TRIO: variants seen among roughly 807,000 people sequenced by gnomAD.
TRIO encodes the protein trio Rho guanine nucleotide exchange factor, also known as triple functional domain protein.
A neutral mutation model predicts 351.9 loss-of-function variants in TRIO; 58 were observed. That is an observed-to-expected ratio of 0.16 (90% CI 0.13 to 0.21). TRIO has a LOEUF of 0.21. Among genes scored for constraint, TRIO ranks in the 10% least tolerant of loss-of-function variants. The probability of loss-of-function intolerance (pLI) is 1.00; values close to 1 mark genes in which losing one functional copy is unlikely to be tolerated. For synonymous variants in TRIO, 1,758 were observed against 1,595.7 expected, an observed-to-expected ratio of 1.10 and a Z score of -2.42; for missense variants, 3,201 against 4,027.8, an observed-to-expected ratio of 0.79 and a Z score of 5.56.
chr5:14,312,770 A>G (rs1304645934), intron 8 of TRIO, among the ~76,000 whole-genome samples: 1 of 152,210 alleles, frequency 6.6e-6, no homozygotes, highest in East Asian at 1.9e-4. Context: ...TTTAGCACTT[A>G]CATTTTATAT....
chr5:14,481,677 T>A (rs1186289116), intron 45 of TRIO, 59 bp downstream of exon 45: 6 of 1,578,432 alleles, frequency 3.8e-6, no homozygotes, highest in Non-Finnish European at 5.2e-6. Context: ...TCTTTTGTCT[T>A]GGATTATTTC....
intron 1 of TRIO, among the ~76,000 whole-genome samples, chr5:14,238,748 T>G (rs1036338232): frequency 2.6e-5 from 4 of 152,226 alleles, no homozygotes; most frequent in South Asian, 2.1e-4. Flanking sequence ...GAGAAAAGTT[T>G]GGAAAGGCCC....
At chr5:14,349,143 G>C (rs1006385555) in intron 11 of TRIO, among the ~76,000 whole-genome samples, 1 of 144,542 alleles carries the variant, frequency 6.9e-6, no homozygotes, top group African/African-American at 2.6e-5. Context: ...TTTTTCCTGC[G>C]TGTTTGTGGG....
chr5:14,263,465 T>C (rs1487241628), intron 1 of TRIO, among the ~76,000 whole-genome samples: 1 of 152,206 alleles, frequency 6.6e-6, no homozygotes, highest in African/African-American at 2.4e-5. Flanking sequence ...TTAAAACACA[T>C]GGGATAATTG....
In TRIO at chr5:14,143,693, G is replaced by C. The variant is rs985881429; in HGVS notation, c.-33G>C. ...ACGCGGCGCTAGGGGCGCGGGGCCC[G>C]AGGCGGGCGCGGCCGCGGGCGCCGC... On this transcript the variant is annotated 5_prime_UTR_variant, in exon 1 of 57. Coordinates refer to ENST00000344204, the MANE Select transcript of TRIO (RefSeq NM_007118.4). 558 of 971,734 alleles carry C rather than the reference G, an allele frequency of 5.7e-4. No homozygotes were observed. Among genetic ancestry groups the C allele is most frequent in the Non-Finnish European group, 6.4e-4 (527 of 821,330 alleles). 60.2% of individuals were successfully genotyped at this position (971,734 alleles called of 1,614,324 possible).
In TRIO at chr5:14,358,381, T is replaced by C. The variant is rs1365461063; in HGVS notation, c.2216+34T>C. On this transcript the variant is annotated intron_variant, in intron 12 of 56. Coordinates refer to ENST00000344204, the MANE Select transcript of TRIO (RefSeq NM_007118.4). Reference sequence around the variant, plus strand: ...CACCCCTCTCCTGGTCCGAACAGATTCTGAAACCCTGCCTGTGACTCCCCT... The same window carrying C: ...CACCCCTCTCCTGGTCCGAACAGATCCTGAAACCCTGCCTGTGACTCCCCT... The C allele has an allele frequency of 2.5e-6, 4 of 1,606,604 alleles. No individual in the cohort carries two copies. In the South Asian group the frequency reaches 4.4e-5, roughly 18 times the overall value.
At position 14,369,295 on chromosome 5, in the gene TRIO, C is replaced by T. The variant is rs527369794; in HGVS notation, c.3067-79C>T. ...TGACAGCATCTTCATCCCCAGAGCC[C>T]GACTGAAAGGGCTTTCCAGGGATAC... On this transcript the variant is annotated intron_variant, in intron 17 of 56. Coordinates refer to ENST00000344204, the MANE Select transcript of TRIO (RefSeq NM_007118.4). 95 of 1,509,028 alleles carry T rather than the reference C, an allele frequency of 6.3e-5. No individual in the cohort carries two copies. In the South Asian group the frequency reaches 8.7e-4, roughly 14 times the overall value. The allele number at this position is 1,509,028 out of a possible 1,614,324, so 93.5% of individuals were successfully genotyped here.
rs1361141340 is a variant in TRIO at position 14,210,960 on chromosome 5, T to G, written c.158-59865T>G. Among the ~76,000 whole-genome samples, 3 of 152,118 alleles carry G rather than the reference T, an allele frequency of 2.0e-5. No individual in the cohort carries two copies. The East Asian group carries it at 5.8e-4, about 29-fold the overall frequency. On this transcript the variant is annotated intron_variant, in intron 1 of 56. Coordinates refer to ENST00000344204, the MANE Select transcript of TRIO (RefSeq NM_007118.4). ...CTTCCCTTCTTTCCATCTTCCCCACTCCTGCCCTTGTAAGTTTGCCATGAG... is the reference window on the plus strand; with the variant it reads ...CTTCCCTTCTTTCCATCTTCCCCACGCCTGCCCTTGTAAGTTTGCCATGAG...
intron 1 of TRIO, among the ~76,000 whole-genome samples, chr5:14,233,637 A>C (rs1793601189): frequency 6.6e-6 from 1 of 152,090 alleles, no homozygotes; most frequent in Non-Finnish European, 1.5e-5. Context: ...ACTGAATCTA[A>C]AGTGATCCTC....
At chr5:14,221,832 T>G in intron 1 of TRIO, among the ~76,000 whole-genome samples, 1 of 152,256 alleles carries the variant, frequency 6.6e-6, no homozygotes. Context: ...ATTTCCAATG[T>G]GCCACAAACT....
intron 53 of TRIO, among the ~76,000 whole-genome samples, chr5:14,501,501 G>A (rs1436776097): frequency 1.3e-5 from 2 of 152,244 alleles, no homozygotes; most frequent in African/African-American, 4.8e-5. Context: ...GTACTCCTGT[G>A]ACAACAGTGC....
chr5:14,341,701 A>G (rs927111034), intron 11 of TRIO, among the ~76,000 whole-genome samples: 1 of 152,176 alleles, frequency 6.6e-6, no homozygotes, highest in African/African-American at 2.4e-5. Flanking sequence ...TACCTTTGAA[A>G]TGTGTGGGTT....
chr5:14,317,136 G>A (rs375786266), intron 9 of TRIO, among the ~76,000 whole-genome samples: 2 of 152,202 alleles, frequency 1.3e-5, no homozygotes, highest in East Asian at 3.8e-4. Context: ...CACGTGGTAG[G>A]TAGTGCAGTC....
At chr5:14,403,543 G>A (rs1323189025) in intron 31 of TRIO, among the ~76,000 whole-genome samples, 15 of 110,082 alleles carry the variant, frequency 1.4e-4, no homozygotes, top group Non-Finnish European at 2.0e-4. Flanking sequence ...TGGTGAGGGT[G>A]CAGGTTGTGA....
At chr5:14,463,603 T>A (rs570064269) in intron 36 of TRIO, among the ~76,000 whole-genome samples, 1 of 151,944 alleles carries the variant, frequency 6.6e-6, no homozygotes, top group African/African-American at 2.4e-5. Flanking sequence ...TCAGTGTGGC[T>A]TGCACATCCT....
chr5:14,212,144 G>GA (rs891417410), intron 1 of TRIO, among the ~76,000 whole-genome samples: 10 of 149,614 alleles, frequency 6.7e-5, no homozygotes, highest in East Asian at 3.9e-4. Context: ...GTCTTAAAAA[G>GA]AAAAAAAAAG....
intron 13 of TRIO, among the ~76,000 whole-genome samples, chr5:14,362,999 T>C (rs1039067334): frequency 7.9e-6 from 1 of 126,512 alleles, no homozygotes; most frequent in Non-Finnish European, 1.7e-5. Flanking sequence ...GTTTTCTATC[T>C]ACTTTTTTTT....
intron 30 of TRIO, among the ~76,000 whole-genome samples, chr5:14,400,026 T>C (rs1747938597): frequency 6.6e-6 from 1 of 152,210 alleles, no homozygotes; most frequent in South Asian, 2.1e-4. Flanking sequence ...TAATAAAATG[T>C]CCCCGAGTAT....
Position 14,498,234 on chromosome 5 carries a change from C to G in TRIO, c.8193C>G (p.His2731Gln). 1 of 1,614,238 alleles carries G rather than the reference C, an allele frequency of 6.2e-7. No individual in the cohort carries two copies. Reference protein sequence around the residue: ...PEHNTLNNDGHYSISYSDLGE... With the variant: ...PEHNTLNNDGQYSISYSDLGE... ...ACAACACCTTGAACAACGATGGTCA[C>G]TACAGCATCTCCTACAGGTGAGGGA... The change falls in exon 52 of 57, where the codon CAC (histidine) becomes CAG (glutamine). Residue 2731 changes from histidine (H) to glutamine (Q), a missense_variant. Physicochemically the swap from His to Gln is conservative, Grantham distance 24 (BLOSUM62 0). Coordinates refer to ENST00000344204, the MANE Select transcript of TRIO (RefSeq NM_007118.4).
Sources: gnomAD v4.1 joint callset for allele counts (sites outside exome capture counted in the v4.1 genomes callset) on GRCh38, gnomAD v4.1.1 for gene constraint, MANE v1.5 for transcripts, NCBI Gene and HGNC (gene_info 2026-07-23, HGNC 2026-07-21) for gene names.